The following RBFOX1 variants were observed in gnomAD, a reference collection of about 807,000 sequenced individuals.
RBFOX1 encodes the protein RNA binding protein fox-1 homolog 1.
Under a neutral mutation model 57.7 loss-of-function variants are expected in RBFOX1, and 8 were observed. That is an observed-to-expected ratio of 0.14 (90% CI 0.08 to 0.25). RBFOX1 has a LOEUF of 0.25. Among genes scored for constraint, RBFOX1 ranks in the 10% least tolerant of loss-of-function variants. The pLI is 1.00. For missense variants in RBFOX1, 611 were observed against 548.5 expected, an observed-to-expected ratio of 1.11 and a Z score of -1.14; for synonymous variants, 326 against 222.4, an observed-to-expected ratio of 1.47 and a Z score of -4.15.
At chr16:6,995,626 G>A (rs566399344) in intron 3 of RBFOX1, among the ~76,000 whole-genome samples, 1 of 152,066 alleles carries the variant, frequency 6.6e-6, no homozygotes, top group South Asian at 2.1e-4. Flanking sequence ...TGGACGTGGT[G>A]GTGCACGCTT....
intron 4 of RBFOX1, among the ~76,000 whole-genome samples, chr16:7,316,101 C>A (rs2096432691): frequency 6.6e-6 from 1 of 152,174 alleles, no homozygotes. Flanking sequence ...AATAAAATCA[C>A]ATTTCCTCTT....
intron 1 of RBFOX1, among the ~76,000 whole-genome samples, chr16:5,295,430 C>G (rs2063642394): frequency 1.3e-5 from 2 of 152,236 alleles, no homozygotes; most frequent in Non-Finnish European, 2.9e-5. Flanking sequence ...GGTCAGGAAT[C>G]TAGGCGTGAC....
chr16:6,296,962 C>T (rs944943440), intron 1 of RBFOX1, among the ~76,000 whole-genome samples: 2 of 152,040 alleles, frequency 1.3e-5, no homozygotes, highest in South Asian at 2.1e-4. Context: ...AGAAAGTAGC[C>T]CCAAGGGCTA....
chr16:5,402,583 T>C (rs933478284), intron 1 of RBFOX1, among the ~76,000 whole-genome samples: 36 of 152,252 alleles, frequency 2.4e-4, no homozygotes, highest in African/African-American at 8.7e-4. Flanking sequence ...AACTTTTCAG[T>C]TGATTCCCTT....
intron 3 of RBFOX1, among the ~76,000 whole-genome samples, chr16:6,934,461 C>G (rs528383322): frequency 2.0e-5 from 3 of 152,116 alleles, no homozygotes; most frequent in Non-Finnish European, 4.4e-5. Flanking sequence ...ATAGCCAAGA[C>G]ATGGAATCAA....
chr16:7,042,388 T>TA (rs777228005), intron 3 of RBFOX1, among the ~76,000 whole-genome samples: 1 of 152,146 alleles, frequency 6.6e-6, no homozygotes, highest in Non-Finnish European at 1.5e-5. Context: ...CCCATCCAGA[T>TA]GGTAATTCCC....
At chr16:7,108,868 G>T (rs904911284) in intron 4 of RBFOX1, among the ~76,000 whole-genome samples, 6 of 152,122 alleles carry the variant, frequency 3.9e-5, no homozygotes, top group African/African-American at 1.4e-4. Flanking sequence ...ATATATTTAT[G>T]GTTGAATACT....
At chr16:7,522,366 A>G (rs2077699217) in intron 5 of RBFOX1, among the ~76,000 whole-genome samples, 2 of 152,204 alleles carry the variant, frequency 1.3e-5, no homozygotes, top group Non-Finnish European at 2.9e-5. Context: ...TGGGATGTTC[A>G]GATTGGGCAT....
At chr16:5,575,892 G>A (rs2046436039) in intron 2 of RBFOX1, among the ~76,000 whole-genome samples, 1 of 151,574 alleles carries the variant, frequency 6.6e-6, no homozygotes, top group Non-Finnish European at 1.5e-5. Flanking sequence ...TATGAAGTTT[G>A]CAGCAAATGG....
chr16:5,640,662 A>C (rs1347364619), intron 3 of RBFOX1, among the ~76,000 whole-genome samples: 1 of 151,644 alleles, frequency 6.6e-6, no homozygotes, highest in Non-Finnish European at 1.5e-5. Flanking sequence ...GCATGCATAC[A>C]CATACATGCA....
chr16:7,167,058 T>C (rs2079703712), intron 4 of RBFOX1, among the ~76,000 whole-genome samples: 1 of 136,358 alleles, frequency 7.3e-6, no homozygotes, highest in African/African-American at 2.7e-5. Context: ...TGATCTCAGC[T>C]CGCTGCAACC....
At chr16:7,036,450 C>G (rs559708056) in intron 3 of RBFOX1, among the ~76,000 whole-genome samples, 1 of 152,112 alleles carries the variant, frequency 6.6e-6, no homozygotes, top group African/African-American at 2.4e-5. Context: ...GTGGCTCACG[C>G]TTGTAATCTC....
chr16:7,523,835 C>A (rs1420693582), intron 5 of RBFOX1, among the ~76,000 whole-genome samples: 1 of 152,202 alleles, frequency 6.6e-6, no homozygotes, highest in African/African-American at 2.4e-5. Context: ...CTGATCTACA[C>A]CAGCAGAACG....
At chr16:6,883,328 G>C (rs2153346689) in intron 3 of RBFOX1, among the ~76,000 whole-genome samples, 1 of 152,238 alleles carries the variant, frequency 6.6e-6, no homozygotes, top group East Asian at 1.9e-4. Context: ...ATTTGAATGA[G>C]TTAATAAGGC....
In RBFOX1 at chr16:7,643,056, C is replaced by G. The variant is rs116452467; in HGVS notation, c.758-10759C>G. On this transcript the variant is annotated intron_variant, in intron 11 of 15. Transcript: ENST00000550418. ...CCACTTGTCTGTTGGATTAATCTAG[C>G]CATTTATAACCTGTGAGGAAAGATA... Among the ~76,000 whole-genome samples the G allele has an allele frequency of 4.5e-3, 691 of 152,264 alleles. 5 individuals carry two copies. The highest frequency in any genetic ancestry group is 0.016 in the African/African-American group (672 of 41,532).
At position 6,479,351 on chromosome 16, in the gene RBFOX1, G is replaced by C. The variant is rs115274518; in HGVS notation, c.-64+162294G>C. Among the ~76,000 whole-genome samples the C allele has an allele frequency of 2.6e-5, 4 of 152,236 alleles. No homozygotes were observed. The South Asian group carries it at 8.3e-4, about 32-fold the overall frequency. On this transcript the variant is annotated intron_variant, in intron 2 of 15. Coordinates refer to ENST00000550418, the MANE Select transcript of RBFOX1 (RefSeq NM_018723.4). The stretch of plus-strand genomic sequence containing the variant: ...TTATAAAACCATCAGATCTCAGGAC[G>C]CTGAGGCAGGCAGATCTCTTGAGGA...
intron 1 of RBFOX1, among the ~76,000 whole-genome samples, chr16:6,296,414 G>C (rs954991677): frequency 2.7e-5 from 4 of 149,958 alleles, no homozygotes; most frequent in African/African-American, 9.8e-5. Flanking sequence ...TAAGCGGGGA[G>C]GGGATGTACT....
At chr16:5,541,341 G>T (rs895200018) in intron 2 of RBFOX1, among the ~76,000 whole-genome samples, 2 of 152,062 alleles carry the variant, frequency 1.3e-5, no homozygotes, top group Non-Finnish European at 2.9e-5. Flanking sequence ...GAGGACACAC[G>T]CCCATGACAC....
intron 3 of RBFOX1, among the ~76,000 whole-genome samples, chr16:5,750,399 G>A (rs1032315450): frequency 1.3e-5 from 2 of 152,204 alleles, no homozygotes; most frequent in African/African-American, 4.8e-5. Flanking sequence ...AAAGCTGTCA[G>A]ACAGGGACAT....
Sources: gnomAD v4.1 joint callset for allele counts (sites outside exome capture counted in the v4.1 genomes callset) on GRCh38, gnomAD v4.1.1 for gene constraint, MANE v1.5 for transcripts, NCBI Gene and HGNC (gene_info 2026-07-23, HGNC 2026-07-21) for gene names.